Variants in COL24A1 observed in about 807,000 individuals in gnomAD.
COL24A1 encodes the protein collagen alpha-1(XXIV) chain.
In COL24A1, 224 loss-of-function variants were observed where a neutral mutation model predicts 253.9. That is an observed-to-expected ratio of 0.88 (90% CI 0.79 to 0.99). COL24A1 has a LOEUF of 0.99. COL24A1 is among the 50% of genes least tolerant of loss of function. COL24A1 has a pLI of 0.00. For missense variants in COL24A1, 2,131 were observed against 2,068.5 expected (o/e 1.03, Z -0.59); for synonymous variants, 685 against 673.7 (o/e 1.02, Z -0.26).
At chr1:86,002,671 G>C (rs7537263) in intron 19 of COL24A1, among the ~76,000 whole-genome samples, 11 of 152,108 alleles carry the variant, frequency 7.2e-5, no homozygotes, top group African/African-American at 2.4e-4. Flanking sequence ...GAGATGGCTA[G>C]TACAATAGAG....
intron 37 of COL24A1, among the ~76,000 whole-genome samples, chr1:85,856,612 T>G (rs1456202180): frequency 6.6e-6 from 1 of 152,200 alleles, no homozygotes; most frequent in African/African-American, 2.4e-5. Flanking sequence ...GTATTTGGTA[T>G]GTTAAACTTT....
intron 19 of COL24A1, among the ~76,000 whole-genome samples, chr1:85,998,968 C>G (rs1251244071): frequency 1.3e-5 from 2 of 152,134 alleles, no homozygotes; most frequent in Non-Finnish European, 2.9e-5. Context: ...TGTCTTTTAC[C>G]AGAATCATTG....
intron 47 of COL24A1, among the ~76,000 whole-genome samples, chr1:85,787,278 T>C (rs1669782715): frequency 6.6e-6 from 1 of 151,914 alleles, no homozygotes; most frequent in Middle Eastern, 3.2e-3. Context: ...ATGTGTGCCA[T>C]GGTGATTTGC....
intron 24 of COL24A1, among the ~76,000 whole-genome samples, chr1:85,924,059 A>G (rs1223647506): frequency 1.3e-5 from 2 of 152,250 alleles, no homozygotes. Flanking sequence ...CAAATAAACT[A>G]GAAAATCTAG....
At chr1:86,032,353 C>A (rs371789135) in intron 13 of COL24A1, among the ~76,000 whole-genome samples, 1 of 152,124 alleles carries the variant, frequency 6.6e-6, no homozygotes, top group Admixed American at 6.6e-5. Flanking sequence ...TATTTAAATT[C>A]TCTAATCTTC....
intron 55 of COL24A1, among the ~76,000 whole-genome samples, chr1:85,760,355 C>T (rs1222548795): frequency 6.6e-6 from 1 of 152,128 alleles, no homozygotes; most frequent in Non-Finnish European, 1.5e-5. Context: ...GAAAGACATT[C>T]TTATTGATGT....
intron 24 of COL24A1, among the ~76,000 whole-genome samples, chr1:85,948,296 G>A (rs1009323542): frequency 4.0e-5 from 6 of 151,734 alleles, no homozygotes; most frequent in South Asian, 4.2e-4. Flanking sequence ...AGGCCGAGGC[G>A]GGCGGATCAC....
chr1:86,053,175 T>C (rs554849109), intron 10 of COL24A1, among the ~76,000 whole-genome samples: 2 of 152,102 alleles, frequency 1.3e-5, no homozygotes, highest in Non-Finnish European at 1.5e-5. Flanking sequence ...GAATCATCTG[T>C]TGATGACTTC....
rs1571449626 is a variant in COL24A1 at position 85,978,469 on chromosome 1, C to T, written c.2365-7076G>A. ...CCATCAATTAAGTATCTGCTGTCTT[C>T]AAGAGGCTCACCTAACACATAAGGA... On this transcript the variant is annotated intron_variant, in intron 20 of 59. Coordinates refer to ENST00000370571, the MANE Select transcript of COL24A1 (RefSeq NM_152890.7). Among the ~76,000 whole-genome samples, 2 of 151,980 alleles carry T rather than the reference C, an allele frequency of 1.3e-5. 1 individual carries two copies. Among genetic ancestry groups the T allele is most frequent in the Non-Finnish European group, 2.9e-5 (2 of 68,008 alleles).
At chr1:85,922,695 C>T (rs1686663394) in intron 24 of COL24A1, among the ~76,000 whole-genome samples, 1 of 152,160 alleles carries the variant, frequency 6.6e-6, no homozygotes, top group African/African-American at 2.4e-5. Context: ...ATAACTGGTA[C>T]CAGCTGCTGC....
intron 47 of COL24A1, among the ~76,000 whole-genome samples, chr1:85,810,423 T>C (rs976811437): frequency 2.0e-5 from 3 of 152,174 alleles, no homozygotes; most frequent in Admixed American, 6.5e-5. Context: ...GCCAGCAGTC[T>C]ATGAGGGCTA....
chr1:85,868,617 C>A lies in COL24A1; in HGVS notation c.3202G>T (p.Gly1068Ter). 6.2e-7 allele frequency: 1 copy of A among 1,612,492 alleles called. No homozygotes were observed. Among genetic ancestry groups the A allele is most frequent in the Non-Finnish European group, 8.5e-7 (1 of 1,178,682 alleles). ...QGKDGLKGVP[G>*]GRGLPGEDGE... ...TCCTCTCCAGGAAGTCCCCTTCCTC[C>A]TGGTACTCCCTGTAATGCAATAAAA... is the stretch of plus-strand genomic sequence containing the variant. Residue 1068 changes from glycine (G) to a stop codon, truncating the protein, a stop_gained, in exon 37 of 60, where the codon GGA (glycine) becomes TGA (stop). Transcript: ENST00000370571. LOFTEE classifies it high-confidence loss of function.
chr1:86,105,819 G>GC (rs1218503207), intron 5 of COL24A1, among the ~76,000 whole-genome samples: 1 of 152,202 alleles, frequency 6.6e-6, no homozygotes, highest in African/African-American at 2.4e-5. Flanking sequence ...AAAGCAGGTT[G>GC]CTCCTTGCCA....
At position 85,734,849 on chromosome 1, in the gene COL24A1, G is replaced by A. The variant is rs1289194879; in HGVS notation, c.4898C>T (p.Thr1633Ile). The A allele has an allele frequency of 6.2e-7, 1 of 1,614,078 alleles. No individual in the cohort carries two copies. Among genetic ancestry groups the A allele is most frequent in the Non-Finnish European group, 8.5e-7 (1 of 1,180,040 alleles). Residue 1633 changes from threonine (T) to isoleucine (I), a missense_variant, in exon 59 of 60, where the codon ACA becomes ATA. Physicochemically the swap from Thr to Ile is moderately conservative, Grantham distance 89. Transcript: ENST00000370571. Reference protein sequence around the residue: ...LNTPRWTSTQTSGPGLPIGFK... With the variant: ...LNTPRWTSTQISGPGLPIGFK... ...ACCAATAGGCAATCCTGGGCCACTT[G>A]TTTGTGTGCTTGTCCACCTTGGGGT...
At chr1:86,014,192 A>AT (rs1458922935) in intron 19 of COL24A1, among the ~76,000 whole-genome samples, 1 of 152,172 alleles carries the variant, frequency 6.6e-6, no homozygotes, top group Non-Finnish European at 1.5e-5. Context: ...TTTTATACTG[A>AT]TTCGTTCTCA....
intron 47 of COL24A1, among the ~76,000 whole-genome samples, chr1:85,795,245 G>T (rs966037835): frequency 6.6e-6 from 1 of 152,082 alleles, no homozygotes; most frequent in Non-Finnish European, 1.5e-5. Context: ...GATCTGGGAA[G>T]GAAAATGGTG....
At chr1:85,918,972 AC>A (rs2102990958) in intron 24 of COL24A1, among the ~76,000 whole-genome samples, 1 of 152,276 alleles carries the variant, frequency 6.6e-6, no homozygotes, top group Admixed American at 6.5e-5. Flanking sequence ...GGAGGAATAT[AC>A]CCCTGCATCT....
intron 28 of COL24A1, among the ~76,000 whole-genome samples, chr1:85,901,193 A>C (rs192305515): frequency 6.6e-6 from 1 of 152,296 alleles, no homozygotes; most frequent in East Asian, 1.9e-4. Flanking sequence ...TACACAAGGA[A>C]CTCAAACAAC....
At chr1:85,909,626 G>A (rs1450326370) in intron 26 of COL24A1, among the ~76,000 whole-genome samples, 2 of 151,834 alleles carry the variant, frequency 1.3e-5, no homozygotes, top group Non-Finnish European at 2.9e-5. Context: ...ATTTTAAAAG[G>A]TGAAAGATTT....
Sources: allele counts gnomAD v4.1 joint callset (sites outside exome capture counted in the v4.1 genomes callset), GRCh38; gene constraint gnomAD v4.1.1; transcripts MANE v1.5; gene names NCBI Gene and HGNC (gene_info 2026-07-23, HGNC 2026-07-21).